ERBIN: variants seen among roughly 807,000 people sequenced by gnomAD.
ERBIN encodes the protein erbb2 interacting protein, also known as densin-180-like protein.
Under a neutral mutation model 158.4 loss-of-function variants are expected in ERBIN, and 60 were observed. The ratio of observed to expected loss-of-function variants is 0.38; its 90% confidence interval spans 0.31 to 0.47. The LOEUF is 0.47. ERBIN is among the 20% of genes least tolerant of loss of function. ERBIN has a pLI of 0.99. For missense variants in ERBIN, 1,610 were observed against 1,648.0 expected (o/e 0.98, Z 0.40); for synonymous variants, 594 against 557.2 (o/e 1.07, Z -0.93).
At chr5:66,048,866 A>G (rs989683701) in intron 19 of ERBIN, 85 bp downstream of exon 19, 6 of 748,834 alleles carry the variant, frequency 8.0e-6, no homozygotes, top group Middle Eastern at 3.3e-4. Context: ...ATTGAATATT[A>G]TGTTATTTGA....
At chr5:66,053,366 C>T (rs558653245) in intron 20 of ERBIN, 40 bp from the exon 21 acceptor site, 181 of 1,255,120 alleles carry the variant, frequency 1.4e-4, no homozygotes, top group Middle Eastern at 4.1e-4. Context: ...TAAGAAAACT[C>T]GGCTTTATTA....
chr5:65,967,010 C>T (rs573885705), intron 1 of ERBIN, among the ~76,000 whole-genome samples: 1 of 152,008 alleles, frequency 6.6e-6, no homozygotes, highest in South Asian at 2.1e-4. Context: ...GTAGTGTATG[C>T]CTGGTAGTCC....
intron 14 of ERBIN, among the ~76,000 whole-genome samples, chr5:66,034,287 C>G (rs992378779): frequency 1.3e-5 from 2 of 151,592 alleles, no homozygotes; most frequent in Non-Finnish European, 2.9e-5. Context: ...ATTTTCCATA[C>G]TCATAGCTGT....
At chr5:66,053,269 T>C in intron 20 of ERBIN, 137 bp from the exon 21 acceptor site, 1 of 462,912 alleles carries the variant, frequency 2.2e-6, no homozygotes, top group Non-Finnish European at 3.8e-6. Flanking sequence ...ATTACATGCT[T>C]GATAATAAAT....
At chr5:65,947,773 G>C (rs1369770844) in intron 1 of ERBIN, among the ~76,000 whole-genome samples, 1 of 152,032 alleles carries the variant, frequency 6.6e-6, no homozygotes, top group Admixed American at 6.6e-5. Context: ...TTGGGAGGCC[G>C]AGGCAGGCAG....
chr5:65,978,218 G>A (rs1438567239), intron 1 of ERBIN, among the ~76,000 whole-genome samples: 1 of 152,092 alleles, frequency 6.6e-6, no homozygotes, highest in Non-Finnish European at 1.5e-5. Context: ...CCTTTTCCAA[G>A]TATTGCTATG....
chr5:65,957,991 C>G (rs1561295378), intron 1 of ERBIN, among the ~76,000 whole-genome samples: 1 of 151,796 alleles, frequency 6.6e-6, no homozygotes, highest in Non-Finnish European at 1.5e-5. Context: ...GGGGTCGCGG[C>G]CGGGCAGAGG....
chr5:65,934,657 A>C (rs145863205), intron 1 of ERBIN, among the ~76,000 whole-genome samples: 145 of 152,250 alleles, frequency 9.5e-4, no homozygotes, highest in South Asian at 1.9e-3. Flanking sequence ...TATTCACTTT[A>C]TGTGATTAAA....
intron 4 of ERBIN, among the ~76,000 whole-genome samples, chr5:66,009,546 A>T (rs1413950845): frequency 6.6e-6 from 1 of 152,226 alleles, no homozygotes; most frequent in Non-Finnish European, 1.5e-5. Context: ...ATGCCATAAA[A>T]TGCATAATTG....
At chr5:65,960,688 G>A (rs1408266602) in intron 1 of ERBIN, among the ~76,000 whole-genome samples, 2 of 152,136 alleles carry the variant, frequency 1.3e-5, no homozygotes, top group African/African-American at 4.8e-5. Flanking sequence ...AATTAAGAGA[G>A]GCATTGCTAT....
At chr5:66,030,486 AC>A (rs1756751102) in intron 14 of ERBIN, among the ~76,000 whole-genome samples, 1 of 151,784 alleles carries the variant, frequency 6.6e-6, no homozygotes, top group Admixed American at 6.6e-5. Flanking sequence ...TATGCCATTT[AC>A]TAACTTCACA....
chr5:65,942,159 A>G (rs1745133390), intron 1 of ERBIN, among the ~76,000 whole-genome samples: 1 of 152,082 alleles, frequency 6.6e-6, no homozygotes, highest in Non-Finnish European at 1.5e-5. Context: ...CTGGAGTACC[A>G]CCTCTTTTTT....
At chr5:66,003,664 A>G (rs1753234482) in intron 4 of ERBIN, among the ~76,000 whole-genome samples, 5 of 152,000 alleles carry the variant, frequency 3.3e-5, no homozygotes, top group Admixed American at 3.3e-4. Flanking sequence ...TACAGAATGG[A>G]TTGGTGTGAT....
chr5:66,049,913 GT>G (rs1758849249), intron 19 of ERBIN, among the ~76,000 whole-genome samples: 2 of 151,982 alleles, frequency 1.3e-5, no homozygotes, highest in Admixed American at 1.3e-4. Context: ...CATACTGAGA[GT>G]TTACCATTCA....
intron 1 of ERBIN, among the ~76,000 whole-genome samples, chr5:65,960,678 A>T (rs152996): frequency 2.0e-5 from 3 of 151,978 alleles, no homozygotes; most frequent in African/African-American, 7.3e-5. Flanking sequence ...ACCAAATTAT[A>T]ATTAAGAGAG....
At chr5:66,049,896 C>T (rs544936257) in intron 19 of ERBIN, among the ~76,000 whole-genome samples, 2 of 152,168 alleles carry the variant, frequency 1.3e-5, no homozygotes, top group Admixed American at 1.3e-4. Context: ...CACACACAAC[C>T]ACCTTACATA....
At chr5:66,065,144 G>A (rs888710609) in intron 21 of ERBIN, among the ~76,000 whole-genome samples, 2 of 152,144 alleles carry the variant, frequency 1.3e-5, no homozygotes, top group African/African-American at 4.8e-5. Flanking sequence ...AAGTAACATG[G>A]AACACAATAC....
intron 21 of ERBIN, among the ~76,000 whole-genome samples, chr5:66,069,448 T>G (rs1234055721): frequency 6.6e-6 from 1 of 152,244 alleles, no homozygotes; most frequent in Non-Finnish European, 1.5e-5. Flanking sequence ...CCTGAACTAA[T>G]GTTAATCATA....
chr5:66,059,337 TTGTC>T lies in ERBIN; in HGVS notation c.3633+4390_3633+4393del, dbSNP rs995808810. Among the ~76,000 whole-genome samples, 939 of 152,018 alleles carry T rather than the reference TTGTC, an allele frequency of 6.2e-3. 15 individuals carry two copies. Among genetic ancestry groups the T allele is most frequent in the African/African-American group, 0.022 (900 of 41,276 alleles). On this transcript the variant is annotated intron_variant, in intron 21 of 25. Transcript: ENST00000284037. The stretch of plus-strand genomic sequence containing the variant: ...GTTCACTCATGATTTGGCTCTCTGT[TTGTC>T]TGTTATTGGTGTATAAGGATGCTTG...
Sources: gnomAD v4.1 joint callset for allele counts (sites outside exome capture counted in the v4.1 genomes callset) on GRCh38, gnomAD v4.1.1 for gene constraint, MANE v1.5 for transcripts, NCBI Gene and HGNC (gene_info 2026-07-23, HGNC 2026-07-21) for gene names.